The following PRRC1 variants were observed in gnomAD, a reference collection of about 807,000 sequenced individuals.
PRRC1 encodes proline rich coiled-coil 1.
Under a neutral mutation model 40.7 loss-of-function variants are expected in PRRC1, and 39 were observed. The ratio of observed to expected loss-of-function variants is 0.96; its 90% CI spans 0.74 to 1.25. PRRC1 has a LOEUF of 1.25. Among genes scored for constraint, PRRC1 ranks in the 50% most tolerant of loss-of-function variants. PRRC1 has a pLI of 0.00. For synonymous variants in PRRC1, 175 were observed against 193.3 expected, an observed-to-expected ratio of 0.91 and a Z score of 0.79; for missense variants, 573 against 548.3, an observed-to-expected ratio of 1.05 and a Z score of -0.45.
intron 1 of PRRC1, among the ~76,000 whole-genome samples, chr5:127,522,021 C>T (rs1292092534): frequency 2.0e-5 from 3 of 152,136 alleles, no homozygotes; most frequent in Admixed American, 6.5e-5. Context: ...TTGATTGTTT[C>T]GTGTACTAGA....
At chr5:127,547,607 T>C (rs936560725) in intron 7 of PRRC1, among the ~76,000 whole-genome samples, 1 of 151,668 alleles carries the variant, frequency 6.6e-6, no homozygotes, top group Non-Finnish European at 1.5e-5. Flanking sequence ...ATTTTTTTTC[T>C]TTGTGGTTAT....
chr5:127,522,068 A>T (rs1203650413), intron 1 of PRRC1, among the ~76,000 whole-genome samples: 1 of 152,278 alleles, frequency 6.6e-6, no homozygotes, highest in East Asian at 1.9e-4. Flanking sequence ...AATCATTGTC[A>T]TTTCCAAAGG....
chr5:127,552,935 A>C lies in PRRC1; in HGVS notation c.*1019A>C, dbSNP rs943059343. 17 of 890,858 alleles carry C rather than the reference A, an allele frequency of 1.9e-5. No individual in the cohort carries two copies. Among genetic ancestry groups the C allele is most frequent in the Non-Finnish European group, 2.1e-5 (16 of 744,876 alleles). 55.2% of individuals were successfully genotyped at this position (890,858 alleles called of 1,614,324 possible). ...TTTTCAAAGAAACTATTTTATATTC[A>C]ATCTAGTTTATTTAGTCTACTGTAT... On this transcript the variant is annotated 3_prime_UTR_variant, in exon 9 of 9. Transcript: ENST00000296666.
At chr5:127,535,440 TTG>T (rs1767873721) in intron 6 of PRRC1, among the ~76,000 whole-genome samples, 1 of 152,140 alleles carries the variant, frequency 6.6e-6, no homozygotes, top group Non-Finnish European at 1.5e-5. Context: ...CCTGTTTACA[TTG>T]TGTCAGCTGA....
At chr5:127,538,644 AAGAG>A (rs1417034124) in intron 6 of PRRC1, among the ~76,000 whole-genome samples, 1 of 152,112 alleles carries the variant, frequency 6.6e-6, no homozygotes, top group African/African-American at 2.4e-5. Flanking sequence ...TGAAAAATTC[AAGAG>A]AGAATTAACT....
intron 6 of PRRC1, 123 bp from the exon 7 acceptor site, chr5:127,538,917 G>A (rs1767965300): frequency 1.0e-5 from 6 of 576,000 alleles, no homozygotes; most frequent in South Asian, 6.2e-5. Context: ...TTGTTTGAAC[G>A]TTTACAGTGA....
intron 5 of PRRC1, among the ~76,000 whole-genome samples, chr5:127,532,103 T>G (rs974806903): frequency 3.5e-5 from 5 of 143,814 alleles, no homozygotes; most frequent in African/African-American, 1.3e-4. Context: ...AATCTTAAGG[T>G]TTTTTTTTTT....
chr5:127,537,507 G>T (rs1767929366), intron 6 of PRRC1, among the ~76,000 whole-genome samples: 1 of 151,798 alleles, frequency 6.6e-6, no homozygotes, highest in Non-Finnish European at 1.5e-5. Flanking sequence ...TGTCTACCTA[G>T]CTTATTATCC....
Position 127,552,792 on chromosome 5 carries a change from G to T in PRRC1, c.*876G>T. 1 of 985,384 alleles carries T rather than the reference G, an allele frequency of 1.0e-6. No homozygotes were observed. The highest frequency in any genetic ancestry group is 1.2e-6 in the Non-Finnish European group (1 of 829,650). 61.0% of individuals were successfully genotyped at this position (985,384 alleles called of 1,614,324 possible). ...TTAATACAGAAATTTTTGAGAGGGG[G>T]TTACTTTATTGCTTGTGGGTTAGTA... On this transcript the variant is annotated 3_prime_UTR_variant, in exon 9 of 9. Coordinates refer to ENST00000296666, the MANE Select transcript of PRRC1 (RefSeq NM_130809.5).
At chr5:127,535,225 TCA>T (rs1454651296) in intron 6 of PRRC1, among the ~76,000 whole-genome samples, 3 of 152,244 alleles carry the variant, frequency 2.0e-5, no homozygotes, top group Non-Finnish European at 4.4e-5. Context: ...TATTGAACTC[TCA>T]CAGTCAACAG....
chr5:127,551,284 A>G (rs1201353211), intron 8 of PRRC1: 2 of 199,460 alleles, frequency 1.0e-5, no homozygotes, highest in African/African-American at 4.7e-5. Flanking sequence ...TAACATGTGA[A>G]TCACATTTCC....
intron 4 of PRRC1, among the ~76,000 whole-genome samples, chr5:127,528,993 C>G (rs1767696930): frequency 1.3e-5 from 2 of 152,098 alleles, no homozygotes; most frequent in Non-Finnish European, 2.9e-5. Context: ...CTAACGTGTA[C>G]TGAGGTGGGG....
intron 7 of PRRC1, among the ~76,000 whole-genome samples, chr5:127,547,040 A>G (rs2127116230): frequency 6.6e-6 from 1 of 152,204 alleles, no homozygotes; most frequent in South Asian, 2.1e-4. Context: ...AATCCATTTT[A>G]TATTTCATTG....
intron 6 of PRRC1, among the ~76,000 whole-genome samples, chr5:127,534,099 C>T (rs1471193862): frequency 2.6e-5 from 4 of 151,982 alleles, no homozygotes; most frequent in African/African-American, 9.7e-5. Context: ...TGATAATATC[C>T]CTTGAATCCC....
intron 6 of PRRC1, 101 bp downstream of exon 6, chr5:127,533,887 T>TA: frequency 8.0e-7 from 1 of 1,248,548 alleles, no homozygotes; most frequent in Non-Finnish European, 1.2e-6. Context: ...GACTTTTACA[T>TA]ACTGAAATAA....
At chr5:127,519,745 G>T (rs1322262945) in intron 1 of PRRC1, among the ~76,000 whole-genome samples, 3 of 152,176 alleles carry the variant, frequency 2.0e-5, no homozygotes, top group African/African-American at 7.2e-5. Context: ...TCAGTACACT[G>T]ATGACACCCA....
intron 7 of PRRC1, among the ~76,000 whole-genome samples, chr5:127,546,350 T>G (rs1355786230): frequency 6.6e-6 from 1 of 152,242 alleles, no homozygotes; most frequent in Non-Finnish European, 1.5e-5. Flanking sequence ...TAGTTAACTT[T>G]TAAATCCTCA....
rs531820925 is a variant in PRRC1, at chr5:127,553,882, G to T, written c.*1966G>T. ...AAATTTTCCTGCCCCTGGTGACCTG[G>T]TAAGCCTCCTGCTCGGAACCGTGTG... On this transcript the variant is annotated 3_prime_UTR_variant, in exon 9 of 9. Coordinates refer to ENST00000296666, the MANE Select transcript of PRRC1 (RefSeq NM_130809.5). 9 of 1,535,656 alleles carry T rather than the reference G, an allele frequency of 5.9e-6. No individual in the cohort carries two copies. In the African/African-American group the frequency reaches 8.2e-5, roughly 14 times the overall value.
intron 2 of PRRC1, chr5:127,523,899 G>A (rs114628613): frequency 0.015 from 2,946 of 195,538 alleles, 37 homozygotes; most frequent in East Asian, 0.035. Flanking sequence ...TTTTTGAGAC[G>A]GAGTTTCACT....
Sources: gnomAD v4.1 joint callset for allele counts (sites outside exome capture counted in the v4.1 genomes callset) on GRCh38, gnomAD v4.1.1 for gene constraint, MANE v1.5 for transcripts, NCBI Gene and HGNC (gene_info 2026-07-23, HGNC 2026-07-21) for gene names.